Variants in GDF2 observed in about 807,000 individuals in gnomAD.
GDF2 encodes growth differentiation factor 2.
Under a neutral mutation model 16.9 loss-of-function variants are expected in GDF2, and 17 were observed. The observed-to-expected ratio is 1.00, with a 90% confidence interval of 0.69 to 1.51. The LOEUF is 1.51. Among genes scored for constraint, GDF2 ranks in the 40% most tolerant of loss-of-function variants. The probability of loss-of-function intolerance (pLI) is 0.00; values close to 1 mark genes in which losing one functional copy is unlikely to be tolerated. For synonymous variants in GDF2, 276 were observed against 237.6 expected, an observed-to-expected ratio of 1.16 and a Z score of -1.49; for missense variants, 523 against 556.3, an observed-to-expected ratio of 0.94 and a Z score of 0.60.
chr10:47,325,190 C>G lies in GDF2; in HGVS notation c.696C>G (p.Ser232Arg). 2 of 1,614,014 alleles carry G rather than the reference C, an allele frequency of 1.2e-6. No individual in the cohort carries two copies. The highest frequency in any genetic ancestry group is 1.7e-6 in the Non-Finnish European group (2 of 1,180,022). Residue 232 changes from serine (S) to arginine (R), a missense_variant, in exon 2 of 2, where the codon AGC becomes AGG. Ser to Arg is a moderately radical substitution (Grantham distance 110). Transcript: ENST00000581492. Reference protein sequence around the residue: ...SKNKLEVTVESHRKGCDTLDI... With the variant: ...SKNKLEVTVERHRKGCDTLDI... ...ATAAGCTGGAAGTGACTGTGGAGAG[C>G]CACAGGAAGGGCTGCGACACGCTGG...
rs150652222 is a variant in GDF2, at chr10:47,326,822, C to T, written c.*1038C>T. On this transcript the variant is annotated 3_prime_UTR_variant, in exon 2 of 2. Transcript: ENST00000581492. ...TTACTCTGCATAGCCAGCTCACCAG[C>T]ATGCCATGCCCAGGGTGCCCCCCAG... Among the ~76,000 whole-genome samples the T allele has an allele frequency of 9.8e-5, 15 of 152,372 alleles. 1 individual carries two copies. The East Asian group carries it at 2.9e-3, about 29-fold the overall frequency.
At position 47,326,179 on chromosome 10, in the gene GDF2, G is replaced by A. The variant is rs1448638493; in HGVS notation, c.*395G>A. On this transcript the variant is annotated 3_prime_UTR_variant, in exon 2 of 2. Transcript: ENST00000581492. ...CAGCTCGCTCCAAAACCCTTGGGGA[G>A]TAGAGGGAAGGAGCAGGCCGCGTGT... 1 of 178,898 alleles carries A rather than the reference G, an allele frequency of 5.6e-6. No homozygotes were observed. The highest frequency in any genetic ancestry group is 1.2e-5 in the Non-Finnish European group (1 of 85,328). The allele number at this position is 178,898 out of a possible 1,614,324, so 11.1% of individuals were successfully genotyped here.
rs1448638493 is a variant in GDF2, at chr10:47,326,179, G to T, written c.*395G>T. The T allele has an allele frequency of 2.2e-5, 4 of 178,780 alleles. No homozygotes were observed. The Admixed American group carries it at 2.3e-4, about 10-fold the overall frequency. The allele number at this position is 178,780 out of a possible 1,614,324, so 11.1% of individuals were successfully genotyped here. On this transcript the variant is annotated 3_prime_UTR_variant, in exon 2 of 2. Coordinates refer to ENST00000581492, the MANE Select transcript of GDF2 (RefSeq NM_016204.4). The stretch of plus-strand genomic sequence containing the variant: ...CAGCTCGCTCCAAAACCCTTGGGGA[G>T]TAGAGGGAAGGAGCAGGCCGCGTGT...
Position 47,325,495 on chromosome 10 carries a change from T to C in GDF2, c.1001T>C (p.Val334Ala). The change falls in exon 2 of 2, where the codon GTA (valine) becomes GCA (alanine). Residue 334 changes from valine to alanine, a missense_variant. Val to Ala is a moderately conservative substitution (Grantham distance 64). Transcript: ENST00000581492. ...CACTGTCAAAAGACCTCCCTGCGGG[T>C]AAACTTCGAGGACATCGGCTGGGAC... is the stretch of plus-strand genomic sequence containing the variant. Reference protein sequence around the residue: ...GSHCQKTSLRVNFEDIGWDSW... With the variant: ...GSHCQKTSLRANFEDIGWDSW... 4.3e-6 allele frequency: 7 copies of C among 1,613,866 alleles called. No homozygotes were observed. The highest frequency in any genetic ancestry group is 5.9e-6 in the Non-Finnish European group (7 of 1,180,028).
Position 47,322,830 on chromosome 10 carries a change from C to T in GDF2, c.162C>T (p.Asn54=), listed in dbSNP as rs1473996406. 1.2e-6 allele frequency: 2 copies of T among 1,613,926 alleles called. No homozygotes were observed. Among genetic ancestry groups the T allele is most frequent in the Non-Finnish European group, 1.7e-6 (2 of 1,179,980 alleles). Residue 54 remains asparagine, a synonymous_variant, in exon 1 of 2, where the codon AAC becomes AAT. Transcript: ENST00000581492. ...PGGGLPEHTF[N]LKMFLENVKV... ...GTGGGCTGCCTGAGCACACCTTCAA[C>T]CTGAAGATGTTTCTGGAGAACGTGA...
chr10:47,324,656 GGAA>G (rs1377302337), intron 1 of GDF2, among the ~76,000 whole-genome samples, 182 bp from the exon 2 acceptor site: 4 of 152,180 alleles, frequency 2.6e-5, no homozygotes, highest in African/African-American at 4.8e-5. Context: ...CATCTCCTTT[GGAA>G]GATCTTAAGT....
chr10:47,324,575 G>T (rs1555208844), intron 1 of GDF2, among the ~76,000 whole-genome samples: 1 of 152,218 alleles, frequency 6.6e-6, no homozygotes, highest in African/African-American at 2.4e-5. Context: ...ATTCTGCAAA[G>T]CTCCCAGTGT....
Position 47,325,677 on chromosome 10 carries a change from C to T in GDF2, c.1183C>T (p.Pro395Ser). The change falls in exon 2 of 2, where the codon CCC (proline) becomes TCC (serine). Residue 395 changes from proline (P) to serine (S), a missense_variant. By Grantham distance (74) the Pro-to-Ser change is moderately conservative. Coordinates refer to ENST00000581492, the MANE Select transcript of GDF2 (RefSeq NM_016204.4). ...AAAGGTGGGCAAGGCCTGCTGTGTG[C>T]CCACCAAACTGAGCCCCATCTCCGT... ...PTKVGKACCV[P>S]TKLSPISVLY... The T allele has an allele frequency of 1.2e-6, 2 of 1,609,910 alleles. No individual in the cohort carries two copies. Among genetic ancestry groups the T allele is most frequent in the South Asian group, 1.1e-5 (1 of 90,622 alleles).
rs571429082 is a variant in GDF2, at chr10:47,326,757, C to T, written c.*973C>T. ...ATTTGAGAGGGCCGGGCACACTTTC[C>T]CCTGAGGGATGGGGCAGCCTGTGGC... On this transcript the variant is annotated 3_prime_UTR_variant, in exon 2 of 2. Transcript: ENST00000581492. Among the ~76,000 whole-genome samples, 2 of 152,214 alleles carry T rather than the reference C, an allele frequency of 1.3e-5. No individual in the cohort carries two copies. Among genetic ancestry groups the T allele is most frequent in the Non-Finnish European group, 2.9e-5 (2 of 68,036 alleles).
Position 47,325,078 on chromosome 10 carries a change from A to G in GDF2, c.584A>G (p.Gln195Arg). 2 of 1,614,074 alleles carry G rather than the reference A, an allele frequency of 1.2e-6. No individual in the cohort carries two copies. Among genetic ancestry groups the G allele is most frequent in the Non-Finnish European group, 1.7e-6 (2 of 1,180,016 alleles). Residue 195 changes from glutamine (Q) to arginine (R), a missense_variant, in exon 2 of 2, where the codon CAG (glutamine) becomes CGG (arginine). Gln to Arg is a conservative substitution (Grantham distance 43). Transcript: ENST00000581492. ...ATETKTFLVS[Q>R]DIQDEGWETL... ...GAGACCAAGACCTTCCTGGTGTCCCAGGACATTCAGGATGAGGGCTGGGAG... is the reference window on the plus strand; with the variant it reads ...GAGACCAAGACCTTCCTGGTGTCCCGGGACATTCAGGATGAGGGCTGGGAG...
Position 47,322,950 on chromosome 10 carries a change from C to G in GDF2, c.282C>G (p.Asn94Lys). Residue 94 changes from asparagine (N) to lysine (K), a missense_variant, in exon 1 of 2, where the codon AAC (asparagine) becomes AAG (lysine). By Grantham distance (94) the Asn-to-Lys change is moderately conservative. Transcript: ENST00000581492. ...EPPQYMIDLY[N>K]RYTSDKSTTP... ...CGCAGTACATGATTGACCTGTACAACAGGTACACGTCCGATAAGTCGACTA... is the reference window on the plus strand; with the variant it reads ...CGCAGTACATGATTGACCTGTACAAGAGGTACACGTCCGATAAGTCGACTA... 1 of 1,613,284 alleles carries G rather than the reference C, an allele frequency of 6.2e-7. No individual in the cohort carries two copies. The highest frequency in any genetic ancestry group is 8.5e-7 in the Non-Finnish European group (1 of 1,179,312).
At position 47,325,191 on chromosome 10, in the gene GDF2, C is replaced by G. The variant is rs782185287; in HGVS notation, c.697C>G (p.His233Asp). The change falls in exon 2 of 2, where the codon CAC becomes GAC. Residue 233 changes from histidine to aspartate, a missense_variant. Physicochemically the swap from His to Asp is moderately conservative, Grantham distance 81. Coordinates refer to ENST00000581492, the MANE Select transcript of GDF2 (RefSeq NM_016204.4). ...KNKLEVTVES[H>D]RKGCDTLDIS... ...TAAGCTGGAAGTGACTGTGGAGAGC[C>G]ACAGGAAGGGCTGCGACACGCTGGA... The G allele has an allele frequency of 1.1e-5, 17 of 1,613,884 alleles. No homozygotes were observed. The highest frequency in any genetic ancestry group is 5.3e-5 in the African/African-American group (4 of 74,908).
At position 47,325,893 on chromosome 10, in the gene GDF2, A is replaced by G; in HGVS notation, c.*109A>G. 1 of 793,618 alleles carries G rather than the reference A, an allele frequency of 1.3e-6. No homozygotes were observed. The highest frequency in any genetic ancestry group is 1.7e-5 in the African/African-American group (1 of 57,640). The allele number at this position is 793,618 out of a possible 1,614,324, so 49.2% of individuals were successfully genotyped here. A position where few individuals can be genotyped will look rare whatever the true frequency, so the allele number is the denominator to read the frequency against. ...TTCAATCTGCATGCCAGCCTGGAGG[A>G]GGAAAGGGAGCCTGCTCTCCCTCCC... On this transcript the variant is annotated 3_prime_UTR_variant, in exon 2 of 2. Transcript: ENST00000581492.
chr10:47,324,638 A>G (rs2061097375), intron 1 of GDF2, among the ~76,000 whole-genome samples: 1 of 152,208 alleles, frequency 6.6e-6, no homozygotes, highest in South Asian at 2.1e-4. Flanking sequence ...CTCAATCCCA[A>G]TTGGAGGCAT....
Position 47,326,643 on chromosome 10 carries a change from G to A in GDF2, c.*859G>A, listed in dbSNP as rs917541444. ...GTGGGCTGCATGATACACTGTGGCT[G>A]GAGTTATTGTGACCCCCTGGTGCAG... On this transcript the variant is annotated 3_prime_UTR_variant, in exon 2 of 2. Coordinates refer to ENST00000581492, the MANE Select transcript of GDF2 (RefSeq NM_016204.4). Among the ~76,000 whole-genome samples the A allele has an allele frequency of 1.3e-5, 2 of 152,250 alleles. No individual in the cohort carries two copies. The highest frequency in any genetic ancestry group is 2.9e-5 in the Non-Finnish European group (2 of 68,042).
rs2061087496 is a variant in GDF2 at position 47,322,570 on chromosome 10, A to T, written c.-99A>T. On this transcript the variant is annotated 5_prime_UTR_variant, in exon 1 of 2. Transcript: ENST00000581492. ...GGACGGTTCCTTCAGAGCAAACAGC[A>T]GGGAGATGCCGGCCCGCTCCTTCCC... The T allele has an allele frequency of 5.7e-6, 5 of 871,468 alleles. No homozygotes were observed. In the Admixed American group the frequency reaches 1.2e-4, roughly 21 times the overall value. 54.0% of individuals were successfully genotyped at this position (871,468 alleles called of 1,614,324 possible). A position where few individuals can be genotyped will look rare whatever the true frequency, so the allele number is the denominator to read the frequency against.
Position 47,327,004 on chromosome 10 carries a change from A to G in GDF2, c.*1220A>G, listed in dbSNP as rs1175832239. On this transcript the variant is annotated 3_prime_UTR_variant, in exon 2 of 2. Transcript: ENST00000581492. ...TGGGCGAGGCCTCTCCAGCCTCGGA[A>G]GAGCTGCAGTCCTTATCGGCTATCA... is the stretch of plus-strand genomic sequence containing the variant. Among the ~76,000 whole-genome samples, 2 of 152,234 alleles carry G rather than the reference A, an allele frequency of 1.3e-5. No homozygotes were observed. The highest frequency in any genetic ancestry group is 2.9e-5 in the Non-Finnish European group (2 of 68,032).
At position 47,322,472 on chromosome 10, in the gene GDF2, C is replaced by T. The variant is rs1267461004; in HGVS notation, c.-197C>T. The T allele has an allele frequency of 2.2e-5, 11 of 507,162 alleles. No individual in the cohort carries two copies. Among genetic ancestry groups the T allele is most frequent in the East Asian group, 2.1e-4 (7 of 33,682 alleles). 31.4% of individuals were successfully genotyped at this position (507,162 alleles called of 1,614,324 possible). A position where few individuals can be genotyped will look rare whatever the true frequency, so the allele number is the denominator to read the frequency against. On this transcript the variant is annotated 5_prime_UTR_variant, in exon 1 of 2. Coordinates refer to ENST00000581492, the MANE Select transcript of GDF2 (RefSeq NM_016204.4). ...CTCCCTCAGATAAGACGTCGGAGCGCGGCATCGAGGACCAGATAAGCACAA... is the reference window on the plus strand; with the variant it reads ...CTCCCTCAGATAAGACGTCGGAGCGTGGCATCGAGGACCAGATAAGCACAA...
rs1381519824 is a variant in GDF2 at position 47,324,781 on chromosome 10, C to T, written c.347-60C>T. 2.6e-6 allele frequency: 3 copies of T among 1,174,804 alleles called. No homozygotes were observed. The African/African-American group carries it at 4.5e-5, about 18-fold the overall frequency. 72.8% of individuals were successfully genotyped at this position (1,174,804 alleles called of 1,614,324 possible). A position where few individuals can be genotyped will look rare whatever the true frequency, so the allele number is the denominator to read the frequency against. The stretch of plus-strand genomic sequence containing the variant: ...CTTCTGTCTAAACCCTGAGACTCAG[C>T]TTCAGTGTCATGGAAACAGACCCTC... On this transcript the variant is annotated intron_variant, in intron 1 of 1. Transcript: ENST00000581492.
Sources: allele counts gnomAD v4.1 joint callset (sites outside exome capture counted in the v4.1 genomes callset), GRCh38; gene constraint gnomAD v4.1.1; transcripts MANE v1.5; gene names NCBI Gene and HGNC (gene_info 2026-07-23, HGNC 2026-07-21).